The following WNK2 variants were observed in gnomAD, a reference collection of about 807,000 sequenced individuals.
The protein encoded by WNK2 is WNK lysine deficient protein kinase 2.
WNK2 carries 67 observed loss-of-function variants against 192.1 expected under a neutral mutation model. That is an observed-to-expected ratio of 0.35 (90% CI 0.29 to 0.43). The LOEUF is 0.43. Among genes scored for constraint, WNK2 ranks in the 20% least tolerant of loss-of-function variants. WNK2 has a pLI of 1.00. For missense variants in WNK2, 2,698 were observed against 3,089.7 expected, an observed-to-expected ratio of 0.87 and a Z score of 3.01; for synonymous variants, 1,439 against 1,393.9, an observed-to-expected ratio of 1.03 and a Z score of -0.72.
chr9:93,318,855 C>T, intron 29 of WNK2: 22 of 1,399,464 alleles, frequency 1.6e-5, no homozygotes, highest in Non-Finnish European at 1.9e-5. Flanking sequence ...CAGCCTCCTC[C>T]ACCTCCCACT....
intron 25 of WNK2, among the ~76,000 whole-genome samples, chr9:93,299,588 G>A (rs1425963771): frequency 6.6e-6 from 1 of 152,158 alleles, no homozygotes; most frequent in Non-Finnish European, 1.5e-5. Context: ...CCCAGGCACT[G>A]GCTGCCCCAC....
chr9:93,204,141 C>T (rs1399380123), intron 2 of WNK2, among the ~76,000 whole-genome samples: 2 of 151,982 alleles, frequency 1.3e-5, no homozygotes, highest in African/African-American at 4.8e-5. Context: ...TAACTGCCTG[C>T]TTGGTCAGTG....
At chr9:93,268,560 A>T in intron 18 of WNK2, 67 bp from the exon 19 acceptor site, 1 of 1,559,190 alleles carries the variant, frequency 6.4e-7, no homozygotes, top group South Asian at 1.2e-5. Flanking sequence ...GGTGCAGGTG[A>T]TGGGGGTCAC....
chr9:93,312,929 T>C (rs1289195079), intron 28 of WNK2, among the ~76,000 whole-genome samples: 1 of 152,180 alleles, frequency 6.6e-6, no homozygotes, highest in Non-Finnish European at 1.5e-5. Flanking sequence ...ATCATTTCCA[T>C]TGTAAGTGTC....
intron 2 of WNK2, among the ~76,000 whole-genome samples, chr9:93,211,116 ACTCATCCCCTCACT>A (rs1563996234): frequency 8.0e-4 from 7 of 8,740 alleles, no homozygotes; most frequent in South Asian, 3.4e-3. Context: ...CCACTCACTC[ACTCATCCCCTCACT>A]TACTCATCCA....
intron 2 of WNK2, among the ~76,000 whole-genome samples, chr9:93,210,227 A>C (rs1056044762): frequency 3.6e-5 from 5 of 139,690 alleles, no homozygotes; most frequent in African/African-American, 5.3e-5. Context: ...GGTGCTCCTG[A>C]GATTTGGGGA....
chr9:93,191,495 C>T (rs1413646217), intron 2 of WNK2, among the ~76,000 whole-genome samples: 1 of 151,796 alleles, frequency 6.6e-6, no homozygotes, highest in Non-Finnish European at 1.5e-5. Context: ...GAGTTCTGAG[C>T]GAGGCTGGAG....
chr9:93,295,478 G>A (rs932175681), intron 23 of WNK2, among the ~76,000 whole-genome samples: 1 of 152,024 alleles, frequency 6.6e-6, no homozygotes, highest in Non-Finnish European at 1.5e-5. Context: ...TATGTGGCAG[G>A]TGTTGAAATT....
At position 93,256,300 on chromosome 9, in the gene WNK2, C is replaced by A; in HGVS notation, c.2036C>A (p.Pro679His). 1 of 1,557,156 alleles carries A rather than the reference C, an allele frequency of 6.4e-7. No individual in the cohort carries two copies. Among genetic ancestry groups the A allele is most frequent in the Non-Finnish European group, 8.6e-7 (1 of 1,158,378 alleles). ...GTGTGGCCCTGGTGCTCTCTGCAGC[C>A]TGGCTTGCCGGTGGGCTCTGTCCCG... ...LGAYQQPTAA[P>H]GLPVGSVPAP... is the part of the protein sequence containing the mutation. Residue 679 changes from proline to histidine, a missense_variant and splice_region_variant, in exon 10 of 30, where the codon CCT becomes CAT. This residue lies in a region of WNK2 where 893 missense variants were observed against 909.0 expected (regional missense o/e 0.98). Coordinates refer to ENST00000427277, the MANE Select transcript of WNK2 (RefSeq NM_006648.4).
At chr9:93,308,976 A>C in intron 28 of WNK2, 1 of 1,043,014 alleles carries the variant, frequency 9.6e-7, no homozygotes, top group Non-Finnish European at 1.2e-6. Flanking sequence ...GCAGGTGTGC[A>C]TGTCACCCAA....
rs956532376 is a variant in WNK2 at position 93,229,619 on chromosome 9, G to A, written c.682-77G>A. 7.3e-6 allele frequency: 11 copies of A among 1,503,382 alleles called. No individual in the cohort carries two copies. Among genetic ancestry groups the A allele is most frequent in the South Asian group, 2.6e-5 (2 of 77,776 alleles). The allele number at this position is 1,503,382 out of a possible 1,614,324, so 93.1% of individuals were successfully genotyped here. On this transcript the variant is annotated intron_variant, in intron 2 of 29. Coordinates refer to ENST00000427277, the MANE Select transcript of WNK2 (RefSeq NM_006648.4). This position sits in a 1 kb window ranked among gnomAD's most constrained non-coding sequence, Gnocchi z 4.9. ...GGAAGGGCTGGTCCTACTGTGTGGCGCTGCTGGGATGTGACGCCACCGTGT... is the reference window on the plus strand; with the variant it reads ...GGAAGGGCTGGTCCTACTGTGTGGCACTGCTGGGATGTGACGCCACCGTGT...
At chr9:93,226,542 A>G (rs1396406712) in intron 2 of WNK2, among the ~76,000 whole-genome samples, 1 of 152,162 alleles carries the variant, frequency 6.6e-6, no homozygotes, top group African/African-American at 2.4e-5. Context: ...GCTCTGACAA[A>G]TGCACATAGA....
rs745683010 is a variant in WNK2, at chr9:93,308,458, C to T, written c.6390C>T (p.Asp2130=). 27 of 1,610,308 alleles carry T rather than the reference C, an allele frequency of 1.7e-5. No individual in the cohort carries two copies. In the African/African-American group the frequency reaches 2.3e-4, roughly 14 times the overall value. The part of the protein sequence containing the change: ...TFTDDLHKLV[D]EWTSKTVGAA... ...CGGACGACCTGCACAAGCTGGTGGA[C>T]GAGTGGACGAGCAAGACGGTGGGGG... Residue 2130 remains aspartate (D), a synonymous_variant, in exon 28 of 30, where the codon GAC becomes GAT. Transcript: ENST00000427277.
intron 9 of WNK2, 23 bp from the exon 10 acceptor site, chr9:93,256,274 AGT>A: frequency 1.3e-6 from 2 of 1,488,884 alleles, no homozygotes; most frequent in African/African-American, 1.4e-5. Context: ...GCTGCTGCTG[AGT>A]GTGGCCCTGG....
intron 2 of WNK2, among the ~76,000 whole-genome samples, chr9:93,222,633 C>T (rs1325090524): frequency 2.6e-5 from 4 of 152,182 alleles, no homozygotes; most frequent in African/African-American, 4.8e-5. Context: ...TCCTCACACT[C>T]CTTGGCCACT....
chr9:93,212,365 G>A (rs1834948518), intron 2 of WNK2, among the ~76,000 whole-genome samples: 1 of 152,228 alleles, frequency 6.6e-6, no homozygotes, highest in South Asian at 2.1e-4. Context: ...CACAGTGTGT[G>A]GCCCCCCAGC....
chr9:93,304,595 A>G (rs1852169614), intron 26 of WNK2, among the ~76,000 whole-genome samples: 1 of 152,142 alleles, frequency 6.6e-6, no homozygotes, highest in Non-Finnish European at 1.5e-5. Context: ...TGCCTTATGG[A>G]CAGGAGGTGG....
chr9:93,320,299 G>T, intron 29 of WNK2, 68 bp from the exon 30 acceptor site: 1 of 1,364,198 alleles, frequency 7.3e-7, no homozygotes, highest in Non-Finnish European at 9.8e-7. Context: ...GGGTGTCAGG[G>T]CCTGGCCCTT....
At chr9:93,303,581 C>T (rs892352576) in intron 26 of WNK2, among the ~76,000 whole-genome samples, 7 of 152,112 alleles carry the variant, frequency 4.6e-5, no homozygotes, top group Admixed American at 3.3e-4. Flanking sequence ...CAGGAGGCCT[C>T]GGGGTGGAGG....
Sources: gnomAD v4.1 joint callset for allele counts (sites outside exome capture counted in the v4.1 genomes callset) on GRCh38, gnomAD v4.1.1 for gene constraint, gnomAD v4.1.1 regional missense constraint, Gnocchi (gnomAD v3.1) non-coding constraint, MANE v1.5 for transcripts, NCBI Gene and HGNC (gene_info 2026-07-23, HGNC 2026-07-21) for gene names.